Variants in TIAM1 observed in about 807,000 individuals in gnomAD.
The protein encoded by TIAM1 is TIAM Rac1 associated GEF 1.
TIAM1 carries 65 observed loss-of-function variants against 163.5 expected under a neutral mutation model. The observed-to-expected ratio is 0.40, with a 90% CI of 0.33 to 0.49. The LOEUF (loss-of-function observed/expected upper bound fraction) is 0.49. TIAM1 is among the 20% of genes least tolerant of loss of function. The probability of loss-of-function intolerance (pLI) is 0.77; values close to 1 mark genes in which losing one functional copy is unlikely to be tolerated. For synonymous variants in TIAM1, 833 were observed against 810.1 expected (o/e 1.03, Z -0.48); for missense variants, 1,789 against 2,044.7 (o/e 0.87, Z 2.41).
intron 1 of TIAM1, among the ~76,000 whole-genome samples, chr21:31,529,916 C>A (rs1250018220): frequency 1.3e-5 from 2 of 152,174 alleles, no homozygotes; most frequent in Admixed American, 6.5e-5. Context: ...GCGGAAGTGT[C>A]ATGGACATTA....
At chr21:31,367,085 G>C (rs2076516512) in intron 2 of TIAM1, among the ~76,000 whole-genome samples, 1 of 151,962 alleles carries the variant, frequency 6.6e-6, no homozygotes, top group African/African-American at 2.4e-5. Context: ...TGCAATCCCA[G>C]GCAGGAAGCC....
chr21:31,213,249 T>G, intron 10 of TIAM1, 149 bp downstream of exon 10: 1 of 624,434 alleles, frequency 1.6e-6, no homozygotes, highest in Non-Finnish European at 2.7e-6. Flanking sequence ...TTTCCATCTC[T>G]TGTTGACTTA....
In TIAM1 at chr21:31,223,443, C is replaced by T. The variant is rs781362985; in HGVS notation, c.1958G>A (p.Arg653His). 5.0e-6 allele frequency: 8 copies of T among 1,613,618 alleles called. No homozygotes were observed. The Admixed American group carries it at 5.0e-5, about 10-fold the overall frequency. The change falls in exon 8 of 28, where the codon CGC becomes CAC. Residue 653 changes from arginine (R) to histidine (H), a missense_variant. Transcript: ENST00000541036. Reference sequence around the variant, plus strand: ...CGATGATACCGAAAAGATTCCAAGGCGGCCCATGGCCACTTTCGTTGGTCG... The same window carrying T: ...CGATGATACCGAAAAGATTCCAAGGTGGCCCATGGCCACTTTCGTTGGTCG... ...ASRPTKVAMG[R>H]LGIFSVSSFH... is the part of the protein sequence containing the mutation.
At chr21:31,532,515 T>C (rs774823216) in intron 1 of TIAM1, among the ~76,000 whole-genome samples, 8 of 152,242 alleles carry the variant, frequency 5.3e-5, no homozygotes, top group Admixed American at 2.0e-4. Flanking sequence ...CACAGAGCTA[T>C]TGTTACTCAC....
intron 2 of TIAM1, among the ~76,000 whole-genome samples, chr21:31,408,268 A>C (rs1255083380): frequency 1.3e-5 from 2 of 152,200 alleles, no homozygotes; most frequent in African/African-American, 2.4e-5. Flanking sequence ...CTTGTAAAGA[A>C]AAGAGAAAGA....
intron 2 of TIAM1, among the ~76,000 whole-genome samples, chr21:31,419,963 C>G (rs1471560748): frequency 6.6e-6 from 1 of 152,156 alleles, no homozygotes; most frequent in Non-Finnish European, 1.5e-5. Context: ...GCAGGAGAAT[C>G]GCTTGAACCC....
At position 31,121,996 on chromosome 21, in the gene TIAM1, T is replaced by G. The variant is rs530686200; in HGVS notation, c.4307-1159A>C. On this transcript the variant is annotated intron_variant, in intron 27 of 27. Transcript: ENST00000541036. ...TCCTGAAACCTAAGCCCCAGAACCA[T>G]CCAATTGCTTCAGTGCTGCTAGAAG... Among the ~76,000 whole-genome samples the G allele has an allele frequency of 2.0e-5, 3 of 152,262 alleles. No homozygotes were observed. The South Asian group carries it at 6.2e-4, about 32-fold the overall frequency.
At chr21:31,368,085 C>T (rs916042372) in intron 2 of TIAM1, among the ~76,000 whole-genome samples, 1 of 152,116 alleles carries the variant, frequency 6.6e-6, no homozygotes, top group Non-Finnish European at 1.5e-5. Context: ...AAAACATGTT[C>T]TCTGATTTTA....
At chr21:31,251,144 G>A (rs953337557) in intron 5 of TIAM1, among the ~76,000 whole-genome samples, 1 of 151,726 alleles carries the variant, frequency 6.6e-6, no homozygotes. Flanking sequence ...AAAGCTGGAT[G>A]AGTCCAAAAA....
chr21:31,379,788 A>G (rs982941961), intron 2 of TIAM1, among the ~76,000 whole-genome samples: 1 of 152,238 alleles, frequency 6.6e-6, no homozygotes, highest in Non-Finnish European at 1.5e-5. Flanking sequence ...TCCATACTGC[A>G]TAATTCCTTT....
chr21:31,403,442 C>G (rs566371628), intron 2 of TIAM1, among the ~76,000 whole-genome samples: 1 of 152,134 alleles, frequency 6.6e-6, no homozygotes, highest in Non-Finnish European at 1.5e-5. Context: ...CCACTGCTCC[C>G]GGCCGATGAC....
chr21:31,388,689 G>C (rs2076920115), intron 2 of TIAM1, among the ~76,000 whole-genome samples: 1 of 151,952 alleles, frequency 6.6e-6, no homozygotes, highest in South Asian at 2.1e-4. Flanking sequence ...AGAGAAAGTG[G>C]AGGGAGCCAG....
chr21:31,421,780 A>C (rs2043583227), intron 2 of TIAM1, among the ~76,000 whole-genome samples: 1 of 152,172 alleles, frequency 6.6e-6, no homozygotes. Flanking sequence ...GCTTGAGGCC[A>C]GACTTTTAAG....
At chr21:31,527,643 G>A (rs1006143596) in intron 1 of TIAM1, among the ~76,000 whole-genome samples, 4 of 151,978 alleles carry the variant, frequency 2.6e-5, no homozygotes, top group Non-Finnish European at 5.9e-5. Flanking sequence ...TTCCCAGAGG[G>A]AAGGGATGGA....
At chr21:31,394,346 G>A (rs1043656888) in intron 2 of TIAM1, among the ~76,000 whole-genome samples, 1 of 152,202 alleles carries the variant, frequency 6.6e-6, no homozygotes, top group African/African-American at 2.4e-5. Flanking sequence ...CCAGGAGATG[G>A]GGGAAAGGAG....
intron 14 of TIAM1, among the ~76,000 whole-genome samples, chr21:31,186,596 A>C (rs2085316258): frequency 6.6e-6 from 1 of 151,752 alleles, no homozygotes; most frequent in Non-Finnish European, 1.5e-5. Flanking sequence ...ACACAGCAAG[A>C]CCCCTGACTC....
intron 2 of TIAM1, among the ~76,000 whole-genome samples, chr21:31,369,576 C>G (rs573822292): frequency 1.8e-4 from 27 of 152,078 alleles, no homozygotes; most frequent in African/African-American, 5.8e-4. Context: ...ATGTTCCCAA[C>G]GTAAAAAAAT....
At position 31,459,581 on chromosome 21, in the gene TIAM1, A is replaced by C. The variant is rs540477181; in HGVS notation, c.-369+4402T>G. ...GTTTAATTATTAGTGGTCTCTTTCC[A>C]GTAAGGGTGCTGGGCAGTGTTGCCT... is the stretch of plus-strand genomic sequence containing the variant. On this transcript the variant is annotated intron_variant, in intron 2 of 28. Transcript: ENST00000286827. Among the ~76,000 whole-genome samples the C allele has an allele frequency of 3.5e-4, 54 of 152,354 alleles. 1 individual carries two copies. The South Asian group carries it at 0.011, about 31-fold the overall frequency.
chr21:31,394,254 A>G (rs1377431454), intron 2 of TIAM1, among the ~76,000 whole-genome samples: 1 of 152,204 alleles, frequency 6.6e-6, no homozygotes, highest in Non-Finnish European at 1.5e-5. Flanking sequence ...CCCATCTGAA[A>G]AAGCTACACA....
Sources: gnomAD v4.1 joint callset for allele counts (sites outside exome capture counted in the v4.1 genomes callset) on GRCh38, gnomAD v4.1.1 for gene constraint, MANE v1.5 for transcripts, NCBI Gene and HGNC (gene_info 2026-07-23, HGNC 2026-07-21) for gene names.